Variants in CSMD1 observed in about 807,000 individuals in gnomAD.
CSMD1 encodes the protein CUB and sushi domain-containing protein 1.
CSMD1 carries 213 observed loss-of-function variants against 417.5 expected under a neutral mutation model. The ratio of observed to expected loss-of-function variants is 0.51; its 90% CI spans 0.46 to 0.57. The LOEUF is 0.57. Among genes scored for constraint, CSMD1 ranks in the 20% least tolerant of loss-of-function variants. The pLI is 0.00. For synonymous variants in CSMD1, 2,862 were observed against 1,736.8 expected (o/e 1.65, Z -16.11); for missense variants, 6,923 against 4,529.7 (o/e 1.53, Z -15.17).
intron 2 of CSMD1, among the ~76,000 whole-genome samples, chr8:4,466,840 G>T (rs911926374): frequency 6.6e-6 from 1 of 152,046 alleles, no homozygotes; most frequent in Non-Finnish European, 1.5e-5. Context: ...GAGAGCAGGG[G>T]AAACATTATT....
chr8:4,369,863 A>T (rs1163787795), intron 3 of CSMD1, among the ~76,000 whole-genome samples: 2 of 152,156 alleles, frequency 1.3e-5, no homozygotes, highest in Non-Finnish European at 2.9e-5. Flanking sequence ...GACAGCAGAG[A>T]GTTGGGTCTT....
chr8:3,225,999 G>A (rs978479466), intron 27 of CSMD1, among the ~76,000 whole-genome samples: 1 of 152,202 alleles, frequency 6.6e-6, no homozygotes, highest in Non-Finnish European at 1.5e-5. Flanking sequence ...ATGCTCAACA[G>A]CACACATACA....
chr8:3,433,605 G>A (rs1157693895), intron 12 of CSMD1, among the ~76,000 whole-genome samples: 2 of 152,170 alleles, frequency 1.3e-5, no homozygotes, highest in East Asian at 3.9e-4. Flanking sequence ...TAGTGCTGAC[G>A]AGGGCATCTT....
chr8:4,445,222 G>A (rs1798712410), intron 2 of CSMD1, among the ~76,000 whole-genome samples: 1 of 151,434 alleles, frequency 6.6e-6, no homozygotes, highest in South Asian at 2.1e-4. Context: ...TTTCTTCATT[G>A]TTTGACCATT....
In CSMD1 at chr8:3,214,644, T is replaced by A. The variant is rs1179997311; in HGVS notation, c.4720A>T (p.Thr1574Ser). 7 of 1,552,650 alleles carry A rather than the reference T, an allele frequency of 4.5e-6. No individual in the cohort carries two copies. In the African/African-American group the frequency reaches 5.5e-5, roughly 12 times the overall value. ...AGCTTGAAGTCTGTTCCAACTCTTGTCCCATTCATTATATTTCCTGGGTCA... is the reference window on the plus strand; with the variant it reads ...AGCTTGAAGTCTGTTCCAACTCTTGACCCATTCATTATATTTCCTGGGTCA... ...CFDPGNIMNG[T>S]RVGTDFKLGS... The change falls in exon 30 of 70, where the codon ACA (threonine) becomes TCA (serine). Residue 1574 changes from threonine to serine, a missense_variant. By Grantham distance (58) the Thr-to-Ser change is moderately conservative. Coordinates refer to ENST00000635120, the MANE Select transcript of CSMD1 (RefSeq NM_033225.6).
chr8:4,520,986 GGCTCATTATATT>G (rs1415286038), intron 2 of CSMD1, among the ~76,000 whole-genome samples: 1 of 152,016 alleles, frequency 6.6e-6, no homozygotes, highest in African/African-American at 2.4e-5. Flanking sequence ...TTACATTCAT[GGCTCATTATATT>G]GCTGTTGCCC....
At chr8:3,069,220 G>A (rs1168653550) in intron 49 of CSMD1, among the ~76,000 whole-genome samples, 1 of 152,108 alleles carries the variant, frequency 6.6e-6, no homozygotes, top group South Asian at 2.1e-4. Context: ...TGGATCACGA[G>A]ATCAGGAGCT....
At chr8:3,135,654 T>G (rs994431729) in intron 41 of CSMD1, among the ~76,000 whole-genome samples, 2 of 150,886 alleles carry the variant, frequency 1.3e-5, no homozygotes, top group Admixed American at 1.3e-4. Context: ...CATTTCTGAC[T>G]CTGTGAACCG....
chr8:4,095,554 C>T (rs754612666), intron 3 of CSMD1, among the ~76,000 whole-genome samples: 2 of 152,102 alleles, frequency 1.3e-5, no homozygotes, highest in Non-Finnish European at 2.9e-5. Flanking sequence ...TTTTAAGGAA[C>T]TGGGAATAAA....
At chr8:4,299,264 C>T (rs1032545647) in intron 3 of CSMD1, among the ~76,000 whole-genome samples, 1 of 151,938 alleles carries the variant, frequency 6.6e-6, no homozygotes, top group African/African-American at 2.4e-5. Flanking sequence ...AATTTAAAAC[C>T]GTCGGATAAG....
intron 5 of CSMD1, among the ~76,000 whole-genome samples, chr8:3,869,683 G>A (rs1196444924): frequency 6.6e-6 from 1 of 152,112 alleles, no homozygotes; most frequent in Non-Finnish European, 1.5e-5. Flanking sequence ...AAGGTGCACA[G>A]GTGCGCGCAG....
chr8:3,996,896 G>C (rs1815263422), intron 5 of CSMD1, among the ~76,000 whole-genome samples: 1 of 152,186 alleles, frequency 6.6e-6, no homozygotes, highest in Admixed American at 6.5e-5. Flanking sequence ...GTTTAAAACA[G>C]GTGCTCATAT....
intron 48 of CSMD1, among the ~76,000 whole-genome samples, chr8:3,088,421 T>G (rs1269569311): frequency 6.6e-5 from 10 of 152,172 alleles, no homozygotes; most frequent in Non-Finnish European, 4.4e-5. Flanking sequence ...CTCTGGGGCT[T>G]CCATATAAAA....
chr8:3,475,332 G>A (rs572150228), intron 11 of CSMD1, among the ~76,000 whole-genome samples: 1 of 151,930 alleles, frequency 6.6e-6, no homozygotes, highest in African/African-American at 2.4e-5. Flanking sequence ...CTAGTCTCTA[G>A]TAAATAACAT....
intron 1 of CSMD1, among the ~76,000 whole-genome samples, chr8:4,914,100 G>C (rs1805883974): frequency 6.6e-6 from 1 of 152,034 alleles, no homozygotes; most frequent in South Asian, 2.1e-4. Flanking sequence ...TTACATTTAT[G>C]GATGATTGAT....
intron 10 of CSMD1, among the ~76,000 whole-genome samples, chr8:3,502,496 T>C (rs2117349364): frequency 6.6e-6 from 1 of 152,076 alleles, no homozygotes; most frequent in East Asian, 1.9e-4. Flanking sequence ...GGATAAACTG[T>C]GGTATATCCA....
Position 4,366,136 on chromosome 8 carries a change from T to C in CSMD1, c.415+53817A>G, listed in dbSNP as rs77271683. 3.3e-3 allele frequency among the ~76,000 whole-genome samples: 500 copies of C among 152,276 alleles called. 26 individuals are homozygous for C. In the East Asian group the frequency reaches 0.084, roughly 26 times the overall value. ...TGTTGTTCCCTACTTTGTGTCACTG[T>C]CTTCAGTGTTTCACTCCCGTTTATG... On this transcript the variant is annotated intron_variant, in intron 3 of 69. Transcript: ENST00000635120.
chr8:3,607,996 C>A (rs946833918), intron 8 of CSMD1, among the ~76,000 whole-genome samples: 1 of 151,994 alleles, frequency 6.6e-6, no homozygotes, highest in East Asian at 1.9e-4. Flanking sequence ...ATGGGAAAAC[C>A]CTGTCTCTAC....
At chr8:3,881,472 T>C (rs1315841128) in intron 5 of CSMD1, among the ~76,000 whole-genome samples, 1 of 151,254 alleles carries the variant, frequency 6.6e-6, no homozygotes. Flanking sequence ...CTGTCTCTAC[T>C]AAAAATACAA....
Sources: allele counts gnomAD v4.1 joint callset (sites outside exome capture counted in the v4.1 genomes callset), GRCh38; gene constraint gnomAD v4.1.1; transcripts MANE v1.5; gene names NCBI Gene and HGNC (gene_info 2026-07-23, HGNC 2026-07-21).